The following CAMKMT variants were observed in gnomAD, a reference collection of about 807,000 sequenced individuals.
CAMKMT encodes the protein CaM KMT.
A neutral mutation model predicts 48.0 loss-of-function variants in CAMKMT; 53 were observed. The observed-to-expected ratio is 1.10, with a 90% CI of 0.89 to 1.39. The LOEUF (loss-of-function observed/expected upper bound fraction) is 1.39. Among genes scored for constraint, CAMKMT ranks in the 40% most tolerant of loss-of-function variants. The probability of loss-of-function intolerance (pLI) is 0.00; values close to 1 mark genes in which losing one functional copy is unlikely to be tolerated. For synonymous variants in CAMKMT, 165 were observed against 152.3 expected, an observed-to-expected ratio of 1.08 and a Z score of -0.61; for missense variants, 428 against 402.7, an observed-to-expected ratio of 1.06 and a Z score of -0.54.
chr2:44,669,005 A>T (rs1167807721), intron 3 of CAMKMT, among the ~76,000 whole-genome samples: 1 of 151,684 alleles, frequency 6.6e-6, no homozygotes, highest in East Asian at 1.9e-4. Flanking sequence ...CTGGTCTTGA[A>T]CTCCAGAGCT....
At chr2:44,473,202 TG>T (rs1402030261) in intron 3 of CAMKMT, among the ~76,000 whole-genome samples, 7 of 152,186 alleles carry the variant, frequency 4.6e-5, no homozygotes, top group Non-Finnish European at 7.3e-5. Context: ...GGCCAACATA[TG>T]TTTTTTTGTG....
At chr2:44,405,467 G>A (rs1333717152) in intron 3 of CAMKMT, among the ~76,000 whole-genome samples, 3 of 152,010 alleles carry the variant, frequency 2.0e-5, no homozygotes, top group Non-Finnish European at 4.4e-5. Context: ...TTAATAAAAA[G>A]AAGCTATGAA....
chr2:44,654,774 CA>C (rs1180071872), intron 3 of CAMKMT, among the ~76,000 whole-genome samples: 1 of 152,202 alleles, frequency 6.6e-6, no homozygotes, highest in Non-Finnish European at 1.5e-5. Context: ...TTCGGCCTCC[CA>C]AAGTGCTGGG....
intron 3 of CAMKMT, among the ~76,000 whole-genome samples, chr2:44,505,863 T>C (rs1353678813): frequency 6.6e-6 from 1 of 151,022 alleles, no homozygotes; most frequent in East Asian, 1.9e-4. Context: ...TATTTATTTA[T>C]TTATTTATTT....
Position 44,679,885 on chromosome 2 carries a change from G to A in CAMKMT, c.377-24398G>A, listed in dbSNP as rs535247022. ...CTTCCTTTGGCACCTACTGATCTCC[G>A]CTAAGTGGTTAGTAAAACATATTTT... On this transcript the variant is annotated intron_variant, in intron 3 of 10. Coordinates refer to ENST00000378494, the MANE Select transcript of CAMKMT (RefSeq NM_024766.5). 1.1e-4 allele frequency among the ~76,000 whole-genome samples: 16 copies of A among 152,290 alleles called. No homozygotes were observed. The East Asian group carries it at 2.9e-3, about 28-fold the overall frequency.
intron 3 of CAMKMT, among the ~76,000 whole-genome samples, chr2:44,488,532 T>A (rs1358240720): frequency 6.6e-6 from 1 of 151,714 alleles, no homozygotes; most frequent in Non-Finnish European, 1.5e-5. Context: ...ATGTTATTAA[T>A]AACTTATTTG....
chr2:44,371,798 C>G (rs1679207464), intron 1 of CAMKMT, among the ~76,000 whole-genome samples: 1 of 152,026 alleles, frequency 6.6e-6, no homozygotes, highest in Admixed American at 6.6e-5. Flanking sequence ...CACATCAACC[C>G]AGAATAATTA....
At chr2:44,581,681 A>C (rs1405220527) in intron 3 of CAMKMT, among the ~76,000 whole-genome samples, 1 of 152,240 alleles carries the variant, frequency 6.6e-6, no homozygotes, top group Non-Finnish European at 1.5e-5. Context: ...TGTAAATTTT[A>C]TAGCTGGTGG....
intron 7 of CAMKMT, among the ~76,000 whole-genome samples, chr2:44,734,515 A>G (rs1679255624): frequency 6.6e-6 from 1 of 152,022 alleles, no homozygotes; most frequent in Non-Finnish European, 1.5e-5. Context: ...CCTGGGTTCA[A>G]GCTATTCTCC....
chr2:44,499,238 G>A (rs1002952601), intron 3 of CAMKMT, among the ~76,000 whole-genome samples: 4 of 152,156 alleles, frequency 2.6e-5, no homozygotes, highest in Admixed American at 6.6e-5. Context: ...CTTCAGAAGC[G>A]TCTGCAGCCA....
intron 1 of CAMKMT, among the ~76,000 whole-genome samples, chr2:44,370,368 C>A (rs184843156): frequency 6.6e-6 from 1 of 152,134 alleles, no homozygotes; most frequent in African/African-American, 2.4e-5. Context: ...TTAGACTATT[C>A]GGATTTTCCG....
intron 3 of CAMKMT, among the ~76,000 whole-genome samples, chr2:44,578,182 A>T (rs1417010043): frequency 6.6e-6 from 1 of 152,212 alleles, no homozygotes; most frequent in Non-Finnish European, 1.5e-5. Flanking sequence ...AATTCAGCAT[A>T]GGAATAATGG....
intron 9 of CAMKMT, among the ~76,000 whole-genome samples, chr2:44,762,445 C>G (rs1265719778): frequency 2.0e-5 from 3 of 152,204 alleles, no homozygotes; most frequent in African/African-American, 7.2e-5. Context: ...CTTCCTCTGT[C>G]TTGGTCTTCC....
intron 9 of CAMKMT, among the ~76,000 whole-genome samples, chr2:44,760,865 G>A (rs1018806486): frequency 6.6e-6 from 1 of 152,192 alleles, no homozygotes; most frequent in Admixed American, 6.5e-5. Flanking sequence ...AGGAGCTAGT[G>A]AAGACCTGAA....
chr2:44,425,582 T>G (rs1215287078), intron 3 of CAMKMT, among the ~76,000 whole-genome samples: 1 of 152,190 alleles, frequency 6.6e-6, no homozygotes, highest in East Asian at 1.9e-4. Flanking sequence ...CTTCAATTAT[T>G]TTTTTCTTTT....
At chr2:44,437,901 A>G (rs1425063708) in intron 3 of CAMKMT, among the ~76,000 whole-genome samples, 1 of 150,516 alleles carries the variant, frequency 6.6e-6, no homozygotes, top group Non-Finnish European at 1.5e-5. Context: ...ACCTTCTCTG[A>G]GTCTTCTTTT....
chr2:44,599,255 A>G (rs922866283), intron 3 of CAMKMT, among the ~76,000 whole-genome samples: 1 of 152,098 alleles, frequency 6.6e-6, no homozygotes, highest in Non-Finnish European at 1.5e-5. Context: ...TAGTTTATTT[A>G]TAAATAGAAA....
rs553112139 is a variant in CAMKMT at position 44,630,320 on chromosome 2, C to A, written c.377-73963C>A. Among the ~76,000 whole-genome samples the A allele has an allele frequency of 2.6e-5, 4 of 152,252 alleles. No individual in the cohort carries two copies. In the South Asian group the frequency reaches 8.3e-4, roughly 32 times the overall value. On this transcript the variant is annotated intron_variant, in intron 3 of 10. Coordinates refer to ENST00000378494, the MANE Select transcript of CAMKMT (RefSeq NM_024766.5). ...AGAAGAAAACCTAGGCATTACCATT[C>A]AGGACACAGGCACGGGGAAGGACTT...
At chr2:44,648,801 C>A (rs915298622) in intron 3 of CAMKMT, among the ~76,000 whole-genome samples, 6 of 152,170 alleles carry the variant, frequency 3.9e-5, no homozygotes, top group African/African-American at 1.4e-4. Context: ...CTTCTATAAT[C>A]TCCACCAGCT....
Sources: gnomAD v4.1 joint callset for allele counts (sites outside exome capture counted in the v4.1 genomes callset) on GRCh38, gnomAD v4.1.1 for gene constraint, MANE v1.5 for transcripts, NCBI Gene and HGNC (gene_info 2026-07-23, HGNC 2026-07-21) for gene names.